Variants in SRRM2 observed in about 807,000 individuals in gnomAD.
The protein encoded by SRRM2 is serine/arginine repetitive matrix 2, also known as serine/arginine repetitive matrix protein 2.
A neutral mutation model predicts 213.8 loss-of-function variants in SRRM2; 30 were observed. The observed-to-expected ratio is 0.14, with a 90% CI of 0.10 to 0.19. The LOEUF (loss-of-function observed/expected upper bound fraction) is 0.19, where lower values mean the gene tolerates loss of function less well. Among genes scored for constraint, SRRM2 ranks in the 10% least tolerant of loss-of-function variants. The pLI is 1.00. For missense variants in SRRM2, 4,904 were observed against 3,647.0 expected, an observed-to-expected ratio of 1.34 and a Z score of -8.88; for synonymous variants, 2,025 against 1,377.7, an observed-to-expected ratio of 1.47 and a Z score of -10.40.
At chr16:2,758,717 G>C in intron 5 of SRRM2, 170 bp downstream of exon 5, 3 of 689,078 alleles carry the variant, frequency 4.4e-6, no homozygotes, top group Non-Finnish European at 7.3e-6. Flanking sequence ...TCTCAGTGGG[G>C]AAGTGTTGAG....
Position 2,761,946 on chromosome 16 carries a change from A to C in SRRM2, c.1418A>C (p.His473Pro). 6.2e-7 allele frequency: 1 copy of C among 1,613,940 alleles called. No individual in the cohort carries two copies. The highest frequency in any genetic ancestry group is 8.5e-7 in the Non-Finnish European group (1 of 1,180,004). ...SHGRAKRDKS[H>P]SHTPSRRMGR... is the part of the protein sequence containing the mutation. Reference sequence around the variant, plus strand: ...GGCCGAGCAAAACGGGATAAATCACATTCTCATACCCCCTCCCGTAGGATG... The same window carrying C: ...GGCCGAGCAAAACGGGATAAATCACCTTCTCATACCCCCTCCCGTAGGATG... The change falls in exon 11 of 15, where the codon CAT becomes CCT. Residue 473 changes from histidine to proline, a missense_variant. Physicochemically the swap from His to Pro is moderately conservative, Grantham distance 77 (BLOSUM62 -2). Transcript: ENST00000301740.
chr16:2,760,430 T>A lies in SRRM2; in HGVS notation c.963T>A (p.Pro321=), dbSNP rs1467343056. The A allele has an allele frequency of 5.6e-6, 9 of 1,614,030 alleles. No homozygotes were observed. Among genetic ancestry groups the A allele is most frequent in the African/African-American group, 1.3e-5 (1 of 74,884 alleles). Residue 321 remains proline (P), a synonymous_variant, in exon 10 of 15, where the codon CCT becomes CCA. Transcript: ENST00000301740. ...CAGGTACTACCAGCACACAACGGCC[T>A]AGTAGCCCGGAGACTGCTACGAAAC... is the stretch of plus-strand genomic sequence containing the variant. ...SEPGTTSTQR[P]SSPETATKQP...
chr16:2,764,168 AGTG>A lies in SRRM2; in HGVS notation c.3644_3646del (p.Gly1215del). On this transcript the variant is annotated inframe_deletion, in exon 11 of 15. Coordinates refer to ENST00000301740, the MANE Select transcript of SRRM2 (RefSeq NM_016333.4). ...ACTTAGAACCCCGCCAAGGGAAAGA[AGTG>A]GTGCTGGGTCATCTCCAGAAACAAA... The A allele has an allele frequency of 1.9e-6, 3 of 1,614,234 alleles. No homozygotes were observed. Among genetic ancestry groups the A allele is most frequent in the Non-Finnish European group, 2.5e-6 (3 of 1,180,046 alleles).
rs1388854760 is a variant in SRRM2, at chr16:2,767,753, ACAC to A, written c.7230_7232del (p.Pro2411del). 1.2e-6 allele frequency: 2 copies of A among 1,610,774 alleles called. No homozygotes were observed. Among genetic ancestry groups the A allele is most frequent in the Non-Finnish European group, 8.5e-7 (1 of 1,178,426 alleles). On this transcript the variant is annotated inframe_deletion, in exon 11 of 15. Coordinates refer to ENST00000301740, the MANE Select transcript of SRRM2 (RefSeq NM_016333.4). ...GCTCCTTGACCGAGCTAGGTCCAGAACACCACCGTCTGCCCCAAGCCAATCTAG... is the reference window on the plus strand; with the variant it reads ...GCTCCTTGACCGAGCTAGGTCCAGAACACCGTCTGCCCCAAGCCAATCTAG...
At position 2,763,718 on chromosome 16, in the gene SRRM2, TCAC is replaced by T. The variant is rs764030873; in HGVS notation, c.3193_3195del (p.Pro1065del). Reference sequence around the variant, plus strand: ...GCAACTGAAAGGACAATCTCAAACTTCACCAGACCACAGATCTGATACTTCAAG... The same window carrying T: ...GCAACTGAAAGGACAATCTCAAACTTCAGACCACAGATCTGATACTTCAAG... On this transcript the variant is annotated inframe_deletion, in exon 11 of 15. Transcript: ENST00000301740. 3.1e-6 allele frequency: 5 copies of T among 1,614,144 alleles called. No individual in the cohort carries two copies. Among genetic ancestry groups the T allele is most frequent in the Non-Finnish European group, 4.2e-6 (5 of 1,180,026 alleles).
intron 1 of SRRM2, among the ~76,000 whole-genome samples, chr16:2,755,669 G>C (rs560073920): frequency 6.6e-6 from 1 of 152,300 alleles, no homozygotes; most frequent in East Asian, 1.9e-4. Flanking sequence ...AGTATATGAC[G>C]ATTATCCAAG....
In SRRM2 at chr16:2,761,382, T is replaced by G. The variant is rs113450540; in HGVS notation, c.1033-179T>G. 2.2e-3 allele frequency among the ~76,000 whole-genome samples: 335 copies of G among 152,372 alleles called. 1 individual carries two copies. Among genetic ancestry groups the G allele is most frequent in the African/African-American group, 6.9e-3 (287 of 41,582 alleles). On this transcript the variant is annotated intron_variant, in intron 10 of 14. Coordinates refer to ENST00000301740, the MANE Select transcript of SRRM2 (RefSeq NM_016333.4). ...TTTTAAGATTCTGGCTATCCATATA[T>G]TCATATGTTTTCACCACTGTGCTTT...
rs767071150 is a variant in SRRM2, at chr16:2,762,606, G to C, written c.2078G>C (p.Arg693Pro). The C allele has an allele frequency of 6.2e-7, 1 of 1,614,162 alleles. No individual in the cohort carries two copies. Among genetic ancestry groups the C allele is most frequent in the South Asian group, 1.1e-5 (1 of 91,078 alleles). ...SRTPARRGRSRSRTPRRGRSR... is the reference protein window; with the variant it reads ...SRTPARRGRSPSRTPRRGRSR... ...ACACCAGCCAGGAGAGGGAGGTCTC[G>C]GTCTAGGACACCAAGACGAGGAAGA... is the stretch of plus-strand genomic sequence containing the variant. Residue 693 changes from arginine (R) to proline (P), a missense_variant, in exon 11 of 15, where the codon CGG (arginine) becomes CCG (proline). Transcript: ENST00000301740.
Position 2,764,978 on chromosome 16 carries a change from C to T in SRRM2, c.4450C>T (p.Pro1484Ser). ...AGGGAGAAGCGAATGTGATTCTTCC[C>T]CAGAACCGAAAGCTTTGCCTCAGAC... Reference protein sequence around the residue: ...SRGRSECDSSPEPKALPQTPR... With the variant: ...SRGRSECDSSSEPKALPQTPR... The change falls in exon 11 of 15, where the codon CCA becomes TCA. Residue 1484 changes from proline to serine, a missense_variant. Transcript: ENST00000301740. 2 of 1,614,084 alleles carry T rather than the reference C, an allele frequency of 1.2e-6. No individual in the cohort carries two copies. The highest frequency in any genetic ancestry group is 8.5e-7 in the Non-Finnish European group (1 of 1,180,034).
At chr16:2,760,656 CT>C in intron 10 of SRRM2, 157 bp downstream of exon 10, 2 of 774,556 alleles carry the variant, frequency 2.6e-6, no homozygotes, top group African/African-American at 1.7e-5. Flanking sequence ...ATCTGCAGAA[CT>C]TTTAGTGTTG....
chr16:2,771,180 C>T lies in SRRM2; in HGVS notation c.*313C>T. On this transcript the variant is annotated 3_prime_UTR_variant, in exon 15 of 15. Transcript: ENST00000301740. ...TCAGGGCCAGGGAGGCATGGCCCCA[C>T]TTGTATCCAGAAGTTCCCAGGGGTG... The T allele has an allele frequency of 4.8e-6, 3 of 628,922 alleles. No homozygotes were observed. Among genetic ancestry groups the T allele is most frequent in the East Asian group, 2.8e-5 (1 of 36,214 alleles). 39.0% of individuals were successfully genotyped at this position (628,922 alleles called of 1,614,324 possible).
At chr16:2,753,057 A>G (rs1354942288) in intron 1 of SRRM2, among the ~76,000 whole-genome samples, 1 of 37,590 alleles carries the variant, frequency 2.7e-5, no homozygotes, top group African/African-American at 7.3e-5. Context: ...CCCCTCCCCC[A>G]TGACAACGGC....
At position 2,761,855 on chromosome 16, in the gene SRRM2, C is replaced by T. The variant is rs764617900; in HGVS notation, c.1327C>T (p.Pro443Ser). Reference sequence around the variant, plus strand: ...CAGCTCTTCCCCAGAAAGTCCTAAACCTGCTCCAGCTCCAGGGTCCCACCG... The same window carrying T: ...CAGCTCTTCCCCAGAAAGTCCTAAATCTGCTCCAGCTCCAGGGTCCCACCG... The part of the protein sequence containing the change: ...HASSSPESPK[P>S]APAPGSHREI... The change falls in exon 11 of 15, where the codon CCT (proline) becomes TCT (serine). Residue 443 changes from proline (P) to serine (S), a missense_variant. By Grantham distance (74) the Pro-to-Ser change is moderately conservative. Coordinates refer to ENST00000301740, the MANE Select transcript of SRRM2 (RefSeq NM_016333.4). The T allele has an allele frequency of 1.2e-6, 2 of 1,613,058 alleles. No individual in the cohort carries two copies. The highest frequency in any genetic ancestry group is 1.7e-5 in the Admixed American group (1 of 60,020).
Position 2,771,137 on chromosome 16 carries a change from G to T in SRRM2, c.*270G>T, listed in dbSNP as rs1056739347. 5.3e-5 allele frequency: 33 copies of T among 622,738 alleles called. No homozygotes were observed. The highest frequency in any genetic ancestry group is 8.4e-5 in the Non-Finnish European group (30 of 357,196). The allele number at this position is 622,738 out of a possible 1,614,324, so 38.6% of individuals were successfully genotyped here. A position where few individuals can be genotyped will look rare whatever the true frequency, so the allele number is the denominator to read the frequency against. On this transcript the variant is annotated 3_prime_UTR_variant, in exon 15 of 15. Coordinates refer to ENST00000301740, the MANE Select transcript of SRRM2 (RefSeq NM_016333.4). Reference sequence around the variant, plus strand: ...TTGGGGGAGGGGAGGATACAGTTCAGGATACCCCAGCCTGGAGTCAGGGCC... The same window carrying T: ...TTGGGGGAGGGGAGGATACAGTTCATGATACCCCAGCCTGGAGTCAGGGCC...
At chr16:2,758,228 G>A (rs947903852) in intron 4 of SRRM2, among the ~76,000 whole-genome samples, 1 of 152,162 alleles carries the variant, frequency 6.6e-6, no homozygotes. Context: ...AAAAAAGCTG[G>A]TTGGTGGCAC....
rs200645790 is a variant in SRRM2 at position 2,762,246 on chromosome 16, C to T, written c.1718C>T (p.Ser573Phe). 6.2e-7 allele frequency: 1 copy of T among 1,614,150 alleles called. No homozygotes were observed. Among genetic ancestry groups the T allele is most frequent in the Non-Finnish European group, 8.5e-7 (1 of 1,180,000 alleles). Reference protein sequence around the residue: ...HSRSPATRGRSRSRTPARRGR... With the variant: ...HSRSPATRGRFRSRTPARRGR... ...AGATCCCCAGCCACTAGGGGTAGAT[C>T]TCGTTCTAGAACACCAGCCCGCCGG... Residue 573 changes from serine to phenylalanine, a missense_variant, in exon 11 of 15, where the codon TCT (serine) becomes TTT (phenylalanine). By Grantham distance (155) the Ser-to-Phe change is radical. Coordinates refer to ENST00000301740, the MANE Select transcript of SRRM2 (RefSeq NM_016333.4).
intron 12 of SRRM2, 156 bp from the exon 13 acceptor site, chr16:2,770,196 G>C: frequency 4.1e-6 from 6 of 1,448,212 alleles, no homozygotes; most frequent in Non-Finnish European, 5.5e-6. Flanking sequence ...GGTGGATGGT[G>C]TGCGGGCGGA....
Position 2,767,354 on chromosome 16 carries a change from G to A in SRRM2, c.6826G>A (p.Ala2276Thr). Reference sequence around the variant, plus strand: ...CATGAACTTGGCCAGCCCCAGAACAGCGGTGGCACCTTCGGCTGTGAACCT... The same window carrying A: ...CATGAACTTGGCCAGCCCCAGAACAACGGTGGCACCTTCGGCTGTGAACCT... ...AAMNLASPRT[A>T]VAPSAVNLAD... The change falls in exon 11 of 15, where the codon GCG becomes ACG. Residue 2276 changes from alanine (A) to threonine (T), a missense_variant. Coordinates refer to ENST00000301740, the MANE Select transcript of SRRM2 (RefSeq NM_016333.4). The A allele has an allele frequency of 1.9e-6, 3 of 1,613,834 alleles. No homozygotes were observed. The highest frequency in any genetic ancestry group is 2.5e-6 in the Non-Finnish European group (3 of 1,180,034).
chr16:2,762,291 C>G lies in SRRM2; in HGVS notation c.1763C>G (p.Thr588Arg). The G allele has an allele frequency of 6.2e-7, 1 of 1,614,212 alleles. No individual in the cohort carries two copies. Among genetic ancestry groups the G allele is most frequent in the Non-Finnish European group, 8.5e-7 (1 of 1,180,024 alleles). The change falls in exon 11 of 15, where the codon ACA (threonine) becomes AGA (arginine). Residue 588 changes from threonine to arginine, a missense_variant. Thr to Arg is a moderately conservative substitution (Grantham distance 71, BLOSUM62 -1). Coordinates refer to ENST00000301740, the MANE Select transcript of SRRM2 (RefSeq NM_016333.4). The part of the protein sequence containing the change: ...PARRGRSRSR[T>R]PARRRSRSRT... Reference sequence around the variant, plus strand: ...CGCCGGGGCAGGTCCCGCTCTAGAACACCTGCCAGGCGGAGATCACGATCC... The same window carrying G: ...CGCCGGGGCAGGTCCCGCTCTAGAAGACCTGCCAGGCGGAGATCACGATCC...
Sources: allele counts gnomAD v4.1 joint callset (sites outside exome capture counted in the v4.1 genomes callset), GRCh38; gene constraint gnomAD v4.1.1; transcripts MANE v1.5; gene names NCBI Gene and HGNC (gene_info 2026-07-23, HGNC 2026-07-21).